The following NCOA1 variants were observed in gnomAD, a reference collection of about 807,000 sequenced individuals.
NCOA1 encodes the protein nuclear receptor coactivator 1.
A neutral mutation model predicts 150.9 loss-of-function variants in NCOA1; 35 were observed. The observed-to-expected ratio is 0.23, with a 90% confidence interval of 0.18 to 0.31. The LOEUF (loss-of-function observed/expected upper bound fraction) is 0.31. Ranked by LOEUF, NCOA1 falls within the 10% of genes least tolerant of loss-of-function variation. The probability of loss-of-function intolerance (pLI) is 1.00; values close to 1 mark genes in which losing one functional copy is unlikely to be tolerated. For missense variants in NCOA1, 1,491 were observed against 1,749.3 expected (o/e 0.85, Z 2.63); for synonymous variants, 590 against 630.0 (o/e 0.94, Z 0.95).
Position 24,739,409 on chromosome 2 carries a change from T to G in NCOA1, c.3202-23T>G, listed in dbSNP as rs777917043. ...TTATGCTTGTGTGTAGAAATATATC[T>G]TATTGTTTCCATTTTTCTCTAGTTG... On this transcript the variant is annotated intron_variant, in intron 17 of 22. Coordinates refer to ENST00000348332, the MANE Select transcript of NCOA1 (RefSeq NM_003743.5). 3.9e-6 allele frequency: 6 copies of G among 1,524,906 alleles called. No individual in the cohort carries two copies. In the African/African-American group the frequency reaches 8.2e-5, roughly 21 times the overall value. The allele number at this position is 1,524,906 out of a possible 1,614,324, so 94.5% of individuals were successfully genotyped here. A position where few individuals can be genotyped will look rare whatever the true frequency, so the allele number is the denominator to read the frequency against.
intron 14 of NCOA1, among the ~76,000 whole-genome samples, chr2:24,721,949 C>A (rs1239621692): frequency 6.6e-6 from 1 of 152,272 alleles, no homozygotes; most frequent in South Asian, 2.1e-4. Context: ...GCCTTTCCTT[C>A]GGCTGTAGAT....
At chr2:24,597,829 G>A (rs1667943436) in intron 3 of NCOA1, among the ~76,000 whole-genome samples, 1 of 151,940 alleles carries the variant, frequency 6.6e-6, no homozygotes, top group East Asian at 1.9e-4. Context: ...TGCACAACGT[G>A]CATGTTTGTT....
At position 24,736,958 on chromosome 2, in the gene NCOA1, G is replaced by A. The variant is rs150605471; in HGVS notation, c.3202-2474G>A. ...AAGCACTGGGAAGAAAATCCATTCC[G>A]GCAGACAAAGTGACAGCCAGCCTGA... On this transcript the variant is annotated intron_variant, in intron 17 of 22. Transcript: ENST00000348332. Among the ~76,000 whole-genome samples the A allele has an allele frequency of 6.0e-4, 91 of 152,256 alleles. 1 individual carries two copies. The highest frequency in any genetic ancestry group is 1.1e-3 in the Non-Finnish European group (72 of 68,020).
intron 3 of NCOA1, among the ~76,000 whole-genome samples, chr2:24,629,813 C>CATATATATATATATATATAT (rs1356211925): frequency 2.8e-4 from 22 of 77,322 alleles, no homozygotes; most frequent in African/African-American, 8.6e-4. Flanking sequence ...AAGTAACATA[C>CATATATATATATATATATAT]ATACATATAT....
intron 1 of NCOA1, among the ~76,000 whole-genome samples, chr2:24,517,245 T>TGTGA (rs1040611708): frequency 6.6e-6 from 1 of 152,026 alleles, no homozygotes; most frequent in Non-Finnish European, 1.5e-5. Flanking sequence ...TATTTTCTGC[T>TGTGA]GTGAGTGTCT....
chr2:24,525,709 G>A (rs1274710185), intron 1 of NCOA1, among the ~76,000 whole-genome samples: 2 of 151,960 alleles, frequency 1.3e-5, no homozygotes, highest in Non-Finnish European at 2.9e-5. Context: ...ACCATGCCTG[G>A]CTAATTTTTT....
intron 13 of NCOA1, among the ~76,000 whole-genome samples, chr2:24,710,670 A>T (rs1434335666): frequency 1.3e-5 from 2 of 152,152 alleles, no homozygotes; most frequent in East Asian, 3.8e-4. Context: ...TTGTACCAAG[A>T]TATAGTAGCC....
At chr2:24,709,832 G>A (rs1673644201) in intron 13 of NCOA1, among the ~76,000 whole-genome samples, 1 of 152,152 alleles carries the variant, frequency 6.6e-6, no homozygotes, top group Non-Finnish European at 1.5e-5. Flanking sequence ...CATACAGTGG[G>A]ACACTATTCA....
intron 4 of NCOA1, among the ~76,000 whole-genome samples, chr2:24,646,709 T>C (rs1670490989): frequency 6.7e-6 from 1 of 149,650 alleles, no homozygotes; most frequent in African/African-American, 2.4e-5. Flanking sequence ...CTTCTTTCTT[T>C]TTTTTTTTTT....
At chr2:24,745,258 T>G (rs969169041) in intron 19 of NCOA1, among the ~76,000 whole-genome samples, 10 of 149,332 alleles carry the variant, frequency 6.7e-5, no homozygotes, top group African/African-American at 2.2e-4. Flanking sequence ...ACCTCCCGGG[T>G]TCACGCCATT....
chr2:24,493,601 GA>G (rs75241800), intron 1 of NCOA1, among the ~76,000 whole-genome samples: 16,672 of 143,328 alleles, frequency 0.12, 1,034 homozygotes, highest in East Asian at 0.23. Context: ...GGTTTTATTG[GA>G]AAAAAAAAAA....
chr2:24,581,262 A>C (rs934817091), intron 2 of NCOA1, among the ~76,000 whole-genome samples: 1 of 152,230 alleles, frequency 6.6e-6, no homozygotes, highest in Non-Finnish European at 1.5e-5. Flanking sequence ...TGAAGGTCCA[A>C]GCTCTCCATG....
chr2:24,761,045 G>T (rs998622382), intron 21 of NCOA1, among the ~76,000 whole-genome samples: 2 of 151,996 alleles, frequency 1.3e-5, no homozygotes, highest in Non-Finnish European at 2.9e-5. Context: ...ACGGGATTTT[G>T]CCATGTTGGC....
At chr2:24,512,431 G>C (rs1398129864) in intron 1 of NCOA1, among the ~76,000 whole-genome samples, 3 of 152,192 alleles carry the variant, frequency 2.0e-5, no homozygotes, top group African/African-American at 7.2e-5. Context: ...ATATCCACCG[G>C]TGCAGTAGGA....
chr2:24,536,235 A>G (rs1665136520), intron 1 of NCOA1, among the ~76,000 whole-genome samples: 1 of 151,748 alleles, frequency 6.6e-6, no homozygotes, highest in South Asian at 2.1e-4. Flanking sequence ...TTTCCACTTG[A>G]TTGAATCGGT....
intron 6 of NCOA1, among the ~76,000 whole-genome samples, chr2:24,667,177 G>A (rs1421531032): frequency 1.3e-5 from 2 of 152,156 alleles, no homozygotes; most frequent in Non-Finnish European, 2.9e-5. Context: ...AACTGATTTA[G>A]CAAACAGGAG....
intron 5 of NCOA1, 94 bp downstream of exon 5, chr2:24,658,860 T>A: frequency 9.0e-7 from 1 of 1,111,420 alleles, no homozygotes; most frequent in African/African-American, 1.5e-5. Context: ...CCAAGTTCAG[T>A]GGCTTTCTTT....
chr2:24,678,420 G>T (rs1672018213), intron 7 of NCOA1, among the ~76,000 whole-genome samples: 1 of 152,046 alleles, frequency 6.6e-6, no homozygotes, highest in African/African-American at 2.4e-5. Context: ...GGGATTGCTG[G>T]GTCATATGGT....
intron 19 of NCOA1, among the ~76,000 whole-genome samples, chr2:24,745,185 A>G (rs1663838757): frequency 6.9e-6 from 1 of 145,218 alleles, no homozygotes; most frequent in African/African-American, 2.6e-5. Flanking sequence ...TCTTTGAGAC[A>G]GAGTCTCGCT....
Sources: gnomAD v4.1 joint callset for allele counts (sites outside exome capture counted in the v4.1 genomes callset) on GRCh38, gnomAD v4.1.1 for gene constraint, MANE v1.5 for transcripts, NCBI Gene and HGNC (gene_info 2026-07-23, HGNC 2026-07-21) for gene names.